BIRC6: variants seen among roughly 807,000 people sequenced by gnomAD.
BIRC6 encodes dual E2 ubiquitin-conjugating enzyme/E3 ubiquitin-protein ligase BIRC6.
Under a neutral mutation model 503.3 loss-of-function variants are expected in BIRC6, and 98 were observed. The observed-to-expected ratio is 0.19, with a 90% confidence interval of 0.17 to 0.23. BIRC6 has a LOEUF of 0.23. Ranked by LOEUF, BIRC6 falls within the 10% of genes least tolerant of loss-of-function variation. The pLI, the probability that BIRC6 is intolerant of heterozygous loss-of-function variation, is 1.00. For synonymous variants in BIRC6, 2,240 were observed against 2,078.7 expected, an observed-to-expected ratio of 1.08 and a Z score of -2.11; for missense variants, 5,360 against 5,806.0, an observed-to-expected ratio of 0.92 and a Z score of 2.50.
intron 40 of BIRC6, 111 bp from the exon 41 acceptor site, chr2:32,487,535 GA>G: frequency 1.1e-6 from 1 of 914,978 alleles, no homozygotes; most frequent in East Asian, 2.6e-5. Flanking sequence ...CCATTCTAAA[GA>G]ATGCAGTTTT....
chr2:32,604,978 G>T (rs889406397), intron 71 of BIRC6, among the ~76,000 whole-genome samples: 1 of 150,708 alleles, frequency 6.6e-6, no homozygotes, highest in African/African-American at 2.4e-5. Flanking sequence ...TGCGTCTCGG[G>T]TTCAAGCTGT....
At chr2:32,518,162 T>G (rs569655727) in intron 55 of BIRC6, 92 bp from the exon 56 acceptor site, 3 of 1,218,020 alleles carry the variant, frequency 2.5e-6, no homozygotes, top group Admixed American at 2.5e-5. Flanking sequence ...TAAAATAAAC[T>G]TATTCATATT....
chr2:32,607,685 T>G (rs373122363), intron 72 of BIRC6, 42 bp downstream of exon 72: 58 of 1,522,164 alleles, frequency 3.8e-5, no homozygotes, highest in Non-Finnish European at 4.6e-5. Flanking sequence ...TTAAAGACAT[T>G]TTACAATATA....
Position 32,436,033 on chromosome 2 carries a change from A to T in BIRC6, c.3500-20A>T, listed in dbSNP as rs1358229694. 6 of 1,323,220 alleles carry T rather than the reference A, an allele frequency of 4.5e-6. No individual in the cohort carries two copies. Among genetic ancestry groups the T allele is most frequent in the Non-Finnish European group, 6.0e-6 (6 of 1,002,484 alleles). The allele number at this position is 1,323,220 out of a possible 1,614,324, so 82.0% of individuals were successfully genotyped here. A position where few individuals can be genotyped will look rare whatever the true frequency, so the allele number is the denominator to read the frequency against. On this transcript the variant is annotated intron_variant, in intron 14 of 73. Coordinates refer to ENST00000421745, the MANE Select transcript of BIRC6 (RefSeq NM_016252.4). ...TTAAATGAATGAATTTAAAAGAAAAATATGTATTTTTCTTTTTAGGTCTTA... is the reference window on the plus strand; with the variant it reads ...TTAAATGAATGAATTTAAAAGAAAATTATGTATTTTTCTTTTTAGGTCTTA...
At chr2:32,545,967 A>G in intron 63 of BIRC6, 107 bp downstream of exon 63, 1 of 974,174 alleles carries the variant, frequency 1.0e-6, no homozygotes, top group Non-Finnish European at 1.5e-6. Context: ...TGGGTGTTCC[A>G]TTTTCACATC....
At chr2:32,429,406 G>C (rs2043861301) in intron 11 of BIRC6, 111 bp downstream of exon 11, 1 of 800,112 alleles carries the variant, frequency 1.2e-6, no homozygotes, top group South Asian at 2.6e-5. Flanking sequence ...TTCTCAACCT[G>C]TATGGTATGT....
intron 61 of BIRC6, among the ~76,000 whole-genome samples, chr2:32,534,126 C>T (rs1413895108): frequency 6.6e-6 from 1 of 152,156 alleles, no homozygotes; most frequent in African/African-American, 2.4e-5. Context: ...GTAATCCCAG[C>T]ACTTTGGGAG....
rs189590812 is a variant in BIRC6, at chr2:32,500,251, G to A, written c.9031+142G>A. 1.8e-4 allele frequency: 128 copies of A among 702,858 alleles called. No homozygotes were observed. In the African/African-American group the frequency reaches 1.9e-3, roughly 11 times the overall value. The allele number at this position is 702,858 out of a possible 1,614,324, so 43.5% of individuals were successfully genotyped here. ...TTCATGACTGATTTTTATTGGTGAG[G>A]ACTTCTGTTTAGGGGCTTCAATTAA... is the stretch of plus-strand genomic sequence containing the variant. On this transcript the variant is annotated intron_variant, in intron 46 of 73. Transcript: ENST00000421745.
chr2:32,399,589 C>G (rs1382947353), intron 6 of BIRC6, among the ~76,000 whole-genome samples: 1 of 152,006 alleles, frequency 6.6e-6, no homozygotes, highest in African/African-American at 2.4e-5. Flanking sequence ...AGGATCCTGA[C>G]ATTTCTAATG....
chr2:32,436,578 G>C (rs746972615), intron 15 of BIRC6, among the ~76,000 whole-genome samples: 1 of 151,864 alleles, frequency 6.6e-6, no homozygotes, highest in Non-Finnish European at 1.5e-5. Flanking sequence ...GAGGTATTTT[G>C]TTTGTTTGTT....
chr2:32,415,267 A>G lies in BIRC6; in HGVS notation c.1976A>G (p.Asp659Gly). 6.2e-7 allele frequency: 1 copy of G among 1,614,050 alleles called. No individual in the cohort carries two copies. The highest frequency in any genetic ancestry group is 8.5e-7 in the Non-Finnish European group (1 of 1,179,880). ...AATATTATGAGTAAAAGTTTGCATGATGATGGTTTTACTGTTCCACAGATT... is the reference window on the plus strand; with the variant it reads ...AATATTATGAGTAAAAGTTTGCATGGTGATGGTTTTACTGTTCCACAGATT... ...MNNIMSKSLH[D>G]DGFTVPQIIE... is the part of the protein sequence containing the mutation. The change falls in exon 10 of 74, where the codon GAT becomes GGT. Residue 659 changes from aspartate (D) to glycine (G), a missense_variant. Asp to Gly is a moderately conservative substitution (Grantham distance 94, BLOSUM62 -1). Around this residue, in one of 16 missense-constraint regions of BIRC6, gnomAD observed 700 missense variants for 739.3 expected, o/e 0.95. Coordinates refer to ENST00000421745, the MANE Select transcript of BIRC6 (RefSeq NM_016252.4).
chr2:32,593,509 T>C (rs2061503648), intron 66 of BIRC6, among the ~76,000 whole-genome samples: 1 of 152,182 alleles, frequency 6.6e-6, no homozygotes, highest in African/African-American at 2.4e-5. Context: ...CTCTAAAATA[T>C]GTTTTTTTTT....
intron 65 of BIRC6, among the ~76,000 whole-genome samples, chr2:32,572,979 C>G (rs1301138985): frequency 6.6e-6 from 1 of 152,172 alleles, no homozygotes. Flanking sequence ...CCCCATATAG[C>G]TCTGTGGGCA....
In BIRC6 at chr2:32,510,652, A is replaced by G. The variant is rs1197906863; in HGVS notation, c.10346+18A>G. On this transcript the variant is annotated intron_variant, in intron 53 of 73. Transcript: ENST00000421745. The stretch of plus-strand genomic sequence containing the variant: ...AAAGACAGGTACGATTTTATTTTTC[A>G]TTTAATTAAGCACACACATGCACAT... 35 of 1,486,156 alleles carry G rather than the reference A, an allele frequency of 2.4e-5. No individual in the cohort carries two copies. Among genetic ancestry groups the G allele is most frequent in the Non-Finnish European group, 3.3e-5 (35 of 1,066,578 alleles). 92.1% of individuals were successfully genotyped at this position (1,486,156 alleles called of 1,614,324 possible).
In BIRC6 at chr2:32,357,271, C is replaced by T. The variant is rs770960520; in HGVS notation, c.110C>T (p.Ser37Leu). 1.3e-6 allele frequency: 2 copies of T among 1,516,740 alleles called. No homozygotes were observed. The highest frequency in any genetic ancestry group is 1.8e-6 in the Non-Finnish European group (2 of 1,136,954). 94.0% of individuals were successfully genotyped at this position (1,516,740 alleles called of 1,614,324 possible). The change falls in exon 1 of 74, where the codon TCG (serine) becomes TTG (leucine). Residue 37 changes from serine (S) to leucine (L), a missense_variant. Physicochemically the swap from Ser to Leu is moderately radical, Grantham distance 145. Around this residue, in one of 16 missense-constraint regions of BIRC6, gnomAD observed 145 missense variants for 106.9 expected, o/e 1.36. Coordinates refer to ENST00000421745, the MANE Select transcript of BIRC6 (RefSeq NM_016252.4). This position sits in a 1 kb window ranked among gnomAD's most constrained non-coding sequence, Gnocchi z 4.9. Reference sequence around the variant, plus strand: ...ATGGCGGCTGCGGCTGCGGCGGCCTCGGGCCCCGGCTGCTCCTCGGCGGCG... The same window carrying T: ...ATGGCGGCTGCGGCTGCGGCGGCCTTGGGCCCCGGCTGCTCCTCGGCGGCG... ...RKMAAAAAAA[S>L]GPGCSSAAGA...
rs749500025 is a variant in BIRC6, at chr2:32,529,618, G to T, written c.11921-33G>T. On this transcript the variant is annotated intron_variant, in intron 59 of 73. Transcript: ENST00000421745. ...AAACCAAGTAAATGTTTCTTTCTCG[G>T]TTTCCAGATTTAACTTAGTTATATC... The T allele has an allele frequency of 4.1e-6, 6 of 1,459,840 alleles. No homozygotes were observed. In the South Asian group the frequency reaches 6.1e-5, roughly 15 times the overall value. The allele number at this position is 1,459,840 out of a possible 1,614,324, so 90.4% of individuals were successfully genotyped here. A position where few individuals can be genotyped will look rare whatever the true frequency, so the allele number is the denominator to read the frequency against.
intron 39 of BIRC6, 133 bp from the exon 40 acceptor site, chr2:32,485,510 A>G (rs2050891429): frequency 1.7e-6 from 1 of 582,664 alleles, no homozygotes; most frequent in Non-Finnish European, 3.1e-6. Flanking sequence ...CCGATACTGC[A>G]TGTTAGGTGG....
At chr2:32,451,237 T>C (rs566213921) in intron 22 of BIRC6, among the ~76,000 whole-genome samples, 1 of 152,358 alleles carries the variant, frequency 6.6e-6, no homozygotes, top group Non-Finnish European at 1.5e-5. Context: ...TAATACAGCA[T>C]ATAAAATCCT....
At chr2:32,614,457 T>TG (rs919961670) in intron 73 of BIRC6, among the ~76,000 whole-genome samples, 1 of 152,268 alleles carries the variant, frequency 6.6e-6, no homozygotes, top group Non-Finnish European at 1.5e-5. Flanking sequence ...CACTGTCACC[T>TG]GGAATTTTCC....
Sources: allele counts gnomAD v4.1 joint callset (sites outside exome capture counted in the v4.1 genomes callset), GRCh38; gene constraint gnomAD v4.1.1; regional missense constraint gnomAD v4.1.1; non-coding constraint Gnocchi (gnomAD v3.1); transcripts MANE v1.5; gene names NCBI Gene and HGNC (gene_info 2026-07-23, HGNC 2026-07-21).